Variants in HDAC9 observed in about 807,000 individuals in gnomAD.
HDAC9 encodes histone deacetylase 9.
A neutral mutation model predicts 139.4 loss-of-function variants in HDAC9; 41 were observed. That is an observed-to-expected ratio of 0.29 (90% confidence interval 0.23 to 0.38). HDAC9 has a LOEUF of 0.38. Among genes scored for constraint, HDAC9 ranks in the 10% least tolerant of loss-of-function variants. HDAC9 has a pLI of 1.00. For synonymous variants in HDAC9, 517 were observed against 476.2 expected (o/e 1.09, Z -1.12); for missense variants, 1,147 against 1,297.0 (o/e 0.88, Z 1.78).
At chr7:18,270,755 A>T (rs1171395624) in intron 2 of HDAC9, among the ~76,000 whole-genome samples, 1 of 152,148 alleles carries the variant, frequency 6.6e-6, no homozygotes, top group Non-Finnish European at 1.5e-5. Flanking sequence ...CTGACTAATT[A>T]TTGAGAAGAT....
At chr7:18,810,702 C>G (rs540008924) in intron 17 of HDAC9, among the ~76,000 whole-genome samples, 1 of 151,840 alleles carries the variant, frequency 6.6e-6, no homozygotes, top group Admixed American at 6.6e-5. Flanking sequence ...TAGGCAGACA[C>G]TGATCTGTTT....
In HDAC9 at chr7:18,104,433, G is replaced by C. The variant is rs138165032; in HGVS notation, c.-97+17220G>C. 9.0e-3 allele frequency among the ~76,000 whole-genome samples: 1,365 copies of C among 151,970 alleles called. 19 individuals are homozygous for C. Among genetic ancestry groups the C allele is most frequent in the African/African-American group, 0.031 (1,289 of 41,442 alleles). ...ATATAATTAAACTTACCTGGCTCTT[G>C]TCTGAGAAATTTAAAAAAAGATTTG... On this transcript the variant is annotated intron_variant, in intron 1 of 12. Transcript: ENST00000417496.
At chr7:18,357,211 T>G (rs1783383415) in intron 1 of HDAC9, among the ~76,000 whole-genome samples, 1 of 152,152 alleles carries the variant, frequency 6.6e-6, no homozygotes, top group East Asian at 1.9e-4. Context: ...TTACTTCGTT[T>G]CTGACATTCT....
intron 22 of HDAC9, among the ~76,000 whole-genome samples, chr7:18,914,138 A>G (rs553689149): frequency 6.6e-6 from 1 of 151,720 alleles, no homozygotes. Flanking sequence ...ACACCATGTG[A>G]GGACGTGGTG....
intron 2 of HDAC9, among the ~76,000 whole-genome samples, chr7:18,270,308 A>C (rs1487434628): frequency 1.3e-5 from 2 of 149,998 alleles, no homozygotes; most frequent in East Asian, 2.0e-4. Context: ...CAAAAAAAAA[A>C]CTGTGACTTA....
intron 2 of HDAC9, among the ~76,000 whole-genome samples, chr7:18,269,467 T>C (rs1273088092): frequency 6.6e-6 from 1 of 152,188 alleles, no homozygotes; most frequent in African/African-American, 2.4e-5. Context: ...CTACACTGAA[T>C]TGGGCCTGAA....
At chr7:18,932,810 AAGAT>A (rs1312241652) in intron 22 of HDAC9, among the ~76,000 whole-genome samples, 5 of 150,634 alleles carry the variant, frequency 3.3e-5, no homozygotes, top group Admixed American at 6.6e-5. Context: ...AGAAGAAAGA[AAGAT>A]AGAAAGAAAG....
intron 16 of HDAC9, among the ~76,000 whole-genome samples, chr7:18,782,499 T>C (rs189972901): frequency 2.4e-4 from 36 of 152,194 alleles, no homozygotes; most frequent in African/African-American, 8.4e-4. Flanking sequence ...ATTCCAATGA[T>C]TGAGCTATGC....
At chr7:18,880,997 C>T (rs1799699058) in intron 22 of HDAC9, among the ~76,000 whole-genome samples, 1 of 151,804 alleles carries the variant, frequency 6.6e-6, no homozygotes, top group Admixed American at 6.6e-5. Flanking sequence ...GGGAAGATAC[C>T]TGTATAAATG....
intron 2 of HDAC9, among the ~76,000 whole-genome samples, chr7:18,525,339 A>G (rs1470063886): frequency 2.6e-5 from 4 of 152,146 alleles, no homozygotes; most frequent in Non-Finnish European, 5.9e-5. Context: ...ATTTTAAAGT[A>G]CCTAAAAATA....
intron 2 of HDAC9, among the ~76,000 whole-genome samples, chr7:18,522,610 C>A (rs1022888568): frequency 2.2e-4 from 31 of 138,984 alleles, no homozygotes; most frequent in African/African-American, 2.4e-4. Flanking sequence ...AAACAAAAAA[C>A]AAAAAACAAA....
chr7:18,399,988 T>C (rs1004536670), intron 1 of HDAC9, among the ~76,000 whole-genome samples: 1 of 152,178 alleles, frequency 6.6e-6, no homozygotes, highest in Admixed American at 6.5e-5. Context: ...TCAGGGTACC[T>C]AGGGCCTTCT....
chr7:18,177,900 G>A (rs986164493), intron 2 of HDAC9, among the ~76,000 whole-genome samples: 3 of 152,134 alleles, frequency 2.0e-5, no homozygotes, highest in Non-Finnish European at 1.5e-5. Context: ...GAATTGGGGA[G>A]GAGGGAAGCA....
chr7:18,815,275 G>T (rs555725564), intron 17 of HDAC9, among the ~76,000 whole-genome samples: 33 of 147,922 alleles, frequency 2.2e-4, no homozygotes, highest in Non-Finnish European at 3.0e-4. Flanking sequence ...ATTTTTTTTT[G>T]ATCAATGTGA....
At chr7:18,574,965 G>C (rs565987679) in intron 2 of HDAC9, among the ~76,000 whole-genome samples, 59 of 152,200 alleles carry the variant, frequency 3.9e-4, no homozygotes, top group Non-Finnish European at 6.2e-4. Flanking sequence ...CCCTCAACTC[G>C]AAAGCGGGTG....
In HDAC9 at chr7:18,634,893, A is replaced by G. The variant is rs138088746; in HGVS notation, c.912+151A>G. Reference sequence around the variant, plus strand: ...TCCACATATTGTAAACCAATTGAAAAAAATTGATATTTACTAACTAATGTA... The same window carrying G: ...TCCACATATTGTAAACCAATTGAAAGAAATTGATATTTACTAACTAATGTA... On this transcript the variant is annotated intron_variant, in intron 8 of 25. Coordinates refer to ENST00000686413, the MANE Select transcript of HDAC9 (RefSeq NM_178425.4). 5.0e-3 allele frequency among the ~76,000 whole-genome samples: 763 copies of G among 152,248 alleles called. 5 individuals carry two copies. Among genetic ancestry groups the G allele is most frequent in the African/African-American group, 0.017 (726 of 41,554 alleles).
Position 18,790,848 on chromosome 7 carries a change from A to C in HDAC9, c.2215-2497A>C, listed in dbSNP as rs538556021. Among the ~76,000 whole-genome samples the C allele has an allele frequency of 5.3e-5, 8 of 152,330 alleles. No individual in the cohort carries two copies. In the South Asian group the frequency reaches 1.7e-3, roughly 32 times the overall value. On this transcript the variant is annotated intron_variant, in intron 16 of 25. Transcript: ENST00000686413. ...TTATGAGTCAAAATATCAGTCATCC[A>C]CTGGATACCTATGTGCTCAACATTC...
intron 1 of HDAC9, among the ~76,000 whole-genome samples, chr7:18,398,737 G>A (rs952723341): frequency 2.0e-5 from 3 of 152,054 alleles, no homozygotes; most frequent in South Asian, 2.1e-4. Flanking sequence ...AGAATGTGCT[G>A]TTGAGCTAAG....
intron 1 of HDAC9, among the ~76,000 whole-genome samples, chr7:18,151,255 C>A (rs917461655): frequency 1.3e-5 from 2 of 152,054 alleles, no homozygotes; most frequent in African/African-American, 4.8e-5. Flanking sequence ...GGATTGAGTG[C>A]GGAGTTTGTT....
Sources: allele counts gnomAD v4.1 joint callset (sites outside exome capture counted in the v4.1 genomes callset), GRCh38; gene constraint gnomAD v4.1.1; transcripts MANE v1.5; gene names NCBI Gene and HGNC (gene_info 2026-07-23, HGNC 2026-07-21).